The following MRTFB variants were observed in gnomAD, a reference collection of about 807,000 sequenced individuals.
MRTFB encodes the protein myocardin-related transcription factor B.
MRTFB carries 29 observed loss-of-function variants against 104.2 expected under a neutral mutation model. That is an observed-to-expected ratio of 0.28 (90% CI 0.21 to 0.38). MRTFB has a LOEUF of 0.38. Among genes scored for constraint, MRTFB ranks in the 10% least tolerant of loss-of-function variants. The probability of loss-of-function intolerance (pLI) is 1.00; values close to 1 mark genes in which losing one functional copy is unlikely to be tolerated. For synonymous variants in MRTFB, 535 were observed against 519.5 expected, an observed-to-expected ratio of 1.03 and a Z score of -0.41; for missense variants, 1,270 against 1,341.6, an observed-to-expected ratio of 0.95 and a Z score of 0.83.
At chr16:14,017,621 A>G in the MRTFB span, among the ~76,000 whole-genome samples, 17 of 88,266 alleles carry the variant, frequency 1.9e-4, no homozygotes, top group African/African-American at 7.4e-4. Context: ...ATATATATAT[A>G]TATATATATA....
chr16:14,120,456 A>G (rs928350680), intron 2 of MRTFB, among the ~76,000 whole-genome samples: 8 of 151,514 alleles, frequency 5.3e-5, no homozygotes, highest in Non-Finnish European at 8.8e-5. Context: ...TCCATGTGCA[A>G]TTTATTTCTG....
At chr16:14,225,830 T>G (rs964686605) in intron 8 of MRTFB, among the ~76,000 whole-genome samples, 2 of 152,170 alleles carry the variant, frequency 1.3e-5, no homozygotes, top group African/African-American at 2.4e-5. Context: ...ATAAAACATG[T>G]GCAGCTGGTC....
intron 16 of MRTFB, 26 bp from the exon 17 acceptor site, chr16:14,260,883 C>G (rs2043746614): frequency 1.3e-6 from 2 of 1,556,166 alleles, no homozygotes; most frequent in Non-Finnish European, 1.7e-6. Context: ...TCTTCAGTTA[C>G]TAATTACTTC....
chr16:14,232,094 C>T (rs560073889), intron 8 of MRTFB, among the ~76,000 whole-genome samples: 2 of 152,244 alleles, frequency 1.3e-5, no homozygotes, highest in Admixed American at 6.5e-5. Flanking sequence ...GGTTATTTTT[C>T]ATGTGATTAA....
At chr16:14,243,647 T>TG (rs2042877908) in intron 10 of MRTFB, among the ~76,000 whole-genome samples, 1 of 152,328 alleles carries the variant, frequency 6.6e-6, no homozygotes, top group East Asian at 1.9e-4. Flanking sequence ...TGACAAGTGA[T>TG]GCACCAACTT....
chr16:14,100,223 A>G (rs1267006630), intron 2 of MRTFB, among the ~76,000 whole-genome samples: 2 of 152,088 alleles, frequency 1.3e-5, no homozygotes, highest in Non-Finnish European at 2.9e-5. Flanking sequence ...ATTAAGTGTG[A>G]TGTTAGCTAT....
intron 3 of MRTFB, chr16:14,186,935 G>A (rs746240570): frequency 6.3e-7 from 1 of 1,598,196 alleles, no homozygotes; most frequent in East Asian, 2.2e-5. Flanking sequence ...GCTCCAAGAA[G>A]CAGCAACAGG....
intron 16 of MRTFB, 46 bp from the exon 17 acceptor site, chr16:14,260,860 AAGT>A (rs774564240): frequency 1.4e-6 from 2 of 1,480,044 alleles, no homozygotes; most frequent in Admixed American, 4.4e-5. Context: ...AAAAATTTTT[AAGT>A]AGTAGTAAAT....
intron 3 of MRTFB, chr16:14,149,431 G>A (rs886282274): frequency 8.5e-5 from 13 of 152,140 alleles, no homozygotes; most frequent in Non-Finnish European, 1.0e-4. Context: ...GCAGATTTGC[G>A]ATTCATAGCT....
At chr16:14,140,467 A>G (rs2037937713) in intron 2 of MRTFB, 77 bp from the exon 3 acceptor site, 3 of 1,040,322 alleles carry the variant, frequency 2.9e-6, no homozygotes, top group Non-Finnish European at 4.1e-6. Context: ...AGAACCCAGG[A>G]TTCCCGTTTT....
intron 3 of MRTFB, among the ~76,000 whole-genome samples, chr16:14,145,904 T>C (rs964646090): frequency 6.6e-6 from 1 of 152,214 alleles, no homozygotes; most frequent in African/African-American, 2.4e-5. Context: ...ACAACATCAC[T>C]GAAAGAGCTG....
chr16:14,172,772 T>C (rs566509316), intron 3 of MRTFB, among the ~76,000 whole-genome samples: 1 of 152,186 alleles, frequency 6.6e-6, no homozygotes, highest in Non-Finnish European at 1.5e-5. Context: ...GTGAACCTCT[T>C]TTCAATATGT....
intron 3 of MRTFB, among the ~76,000 whole-genome samples, chr16:14,145,645 A>G (rs1371557376): frequency 6.6e-6 from 1 of 152,246 alleles, no homozygotes; most frequent in East Asian, 1.9e-4. Context: ...ACTTTTCCTA[A>G]CAAGTGAGGC....
At chr16:14,118,470 A>G (rs546408483) in intron 2 of MRTFB, among the ~76,000 whole-genome samples, 9 of 150,748 alleles carry the variant, frequency 6.0e-5, no homozygotes, top group Admixed American at 5.3e-4. Flanking sequence ...CAGAACCACC[A>G]TCATCCCGAA....
chr16:14,216,837 C>G (rs981125676), intron 6 of MRTFB, among the ~76,000 whole-genome samples: 1 of 152,176 alleles, frequency 6.6e-6, no homozygotes, highest in Non-Finnish European at 1.5e-5. Context: ...GTGAATTTGA[C>G]CCTCCTGCCA....
intron 2 of MRTFB, among the ~76,000 whole-genome samples, chr16:14,087,182 T>A (rs550289824): frequency 6.6e-6 from 1 of 152,238 alleles, no homozygotes; most frequent in South Asian, 2.1e-4. Flanking sequence ...GCTGAATTGG[T>A]CTCTCCCAAG....
At chr16:14,222,674 C>G (rs546471719) in intron 8 of MRTFB, among the ~76,000 whole-genome samples, 2 of 151,414 alleles carry the variant, frequency 1.3e-5, no homozygotes, top group South Asian at 2.1e-4. Context: ...ATCACTTGAC[C>G]CCAGGAGTTC....
At chr16:14,134,647 C>T (rs2037615430) in intron 2 of MRTFB, among the ~76,000 whole-genome samples, 1 of 152,222 alleles carries the variant, frequency 6.6e-6, no homozygotes, top group African/African-American at 2.4e-5. Context: ...GCCTTCAGTA[C>T]ACATGTTAAG....
intron 2 of MRTFB, among the ~76,000 whole-genome samples, chr16:14,085,070 G>A (rs963592156): frequency 1.3e-5 from 2 of 152,164 alleles, no homozygotes; most frequent in Admixed American, 1.3e-4. Flanking sequence ...ATTTGAGCCT[G>A]GAGTTGGAGA....
Sources: gnomAD v4.1 joint callset for allele counts (sites outside exome capture counted in the v4.1 genomes callset) on GRCh38, gnomAD v4.1.1 for gene constraint, MANE v1.5 for transcripts, NCBI Gene and HGNC (gene_info 2026-07-23, HGNC 2026-07-21) for gene names.